The following TERB1 variants were observed in gnomAD, a reference collection of about 807,000 sequenced individuals.
TERB1 encodes the protein telomere repeats-binding bouquet formation protein 1.
TERB1 carries 63 observed loss-of-function variants against 92.3 expected under a neutral mutation model. The ratio of observed to expected loss-of-function variants is 0.68; its 90% CI spans 0.56 to 0.84. The LOEUF is 0.84. Ranked by LOEUF, TERB1 falls within the 40% of genes least tolerant of loss-of-function variation. The pLI, the probability that TERB1 is intolerant of heterozygous loss-of-function variation, is 0.00. For synonymous variants in TERB1, 252 were observed against 283.9 expected (o/e 0.89, Z 1.13); for missense variants, 709 against 843.7 (o/e 0.84, Z 1.98).
In TERB1 at chr16:66,774,955, C is replaced by T. The variant is rs1008801942; in HGVS notation, c.1111+163G>A. ...CAAGCGATCTGACTGCCTTGGCCTC[C>T]CAAAGTGCTGGGATTACAGGCATGA... On this transcript the variant is annotated intron_variant, in intron 12 of 18. Transcript: ENST00000433154. Among the ~76,000 whole-genome samples, 7 of 152,066 alleles carry T rather than the reference C, an allele frequency of 4.6e-5. 1 individual carries two copies. In the South Asian group the frequency reaches 1.4e-3, roughly 31 times the overall value.
intron 16 of TERB1, among the ~76,000 whole-genome samples, chr16:66,760,668 C>A (rs1334434343): frequency 2.3e-5 from 3 of 129,300 alleles, no homozygotes; most frequent in African/African-American, 9.0e-5. Context: ...TGCCTGTAGT[C>A]CCAGCTACTT....
At chr16:66,795,923 T>C (rs1326023268) in intron 3 of TERB1, among the ~76,000 whole-genome samples, 1 of 152,098 alleles carries the variant, frequency 6.6e-6, no homozygotes, top group Non-Finnish European at 1.5e-5. Context: ...TAATTTTTAA[T>C]TGTTTTTGTA....
chr16:66,766,583 T>G (rs2018350429), intron 16 of TERB1, among the ~76,000 whole-genome samples: 1 of 152,208 alleles, frequency 6.6e-6, no homozygotes. Context: ...AAAATAGGTA[T>G]TTTTAAAACT....
intron 2 of TERB1, among the ~76,000 whole-genome samples, chr16:66,800,392 G>GTTTTTTT (rs537071270): frequency 2.2e-5 from 2 of 92,862 alleles, no homozygotes; most frequent in Non-Finnish European, 1.9e-5. Flanking sequence ...AATAAAGAAA[G>GTTTTTTT]TTTTTTTTTT....
intron 8 of TERB1, 30 bp downstream of exon 8, chr16:66,785,984 T>G: frequency 9.2e-6 from 14 of 1,529,330 alleles, no homozygotes; most frequent in Non-Finnish European, 1.2e-5. Flanking sequence ...TTTATCTTTA[T>G]TTTTATATTT....
At chr16:66,793,422 T>G (rs1021061968) in intron 3 of TERB1, among the ~76,000 whole-genome samples, 2 of 151,922 alleles carry the variant, frequency 1.3e-5, no homozygotes, top group African/African-American at 2.4e-5. Context: ...TTCACCATGT[T>G]GGCCAGGCTG....
chr16:66,761,977 C>T (rs567123038), intron 16 of TERB1, among the ~76,000 whole-genome samples: 101 of 152,220 alleles, frequency 6.6e-4, no homozygotes, highest in African/African-American at 2.2e-3. Flanking sequence ...CGCTTGAACC[C>T]GGGAGGCAGA....
chr16:66,777,120 A>C, intron 11 of TERB1, 83 bp downstream of exon 11: 1 of 1,315,178 alleles, frequency 7.6e-7, no homozygotes, highest in East Asian at 2.6e-5. Flanking sequence ...TAAGACCTTC[A>C]CATAACTGGA....
rs1451959504 is a variant in TERB1, at chr16:66,755,172, A to G, written c.1997-9T>C. The G allele has an allele frequency of 7.0e-7, 1 of 1,436,600 alleles. No individual in the cohort carries two copies. Among genetic ancestry groups the G allele is most frequent in the Non-Finnish European group, 9.6e-7 (1 of 1,044,950 alleles). The allele number at this position is 1,436,600 out of a possible 1,614,324, so 89.0% of individuals were successfully genotyped here. A position where few individuals can be genotyped will look rare whatever the true frequency, so the allele number is the denominator to read the frequency against. ...GCGAATTCTTCTTTTTTCTATAATTAGAATTGTAGAATATATTAGTATTTG... is the reference window on the plus strand; with the variant it reads ...GCGAATTCTTCTTTTTTCTATAATTGGAATTGTAGAATATATTAGTATTTG... On this transcript the variant is annotated splice_polypyrimidine_tract_variant and intron_variant, in intron 18 of 18. Transcript: ENST00000433154.
intron 3 of TERB1, among the ~76,000 whole-genome samples, chr16:66,796,023 A>G (rs533885836): frequency 3.8e-4 from 58 of 152,320 alleles, no homozygotes; most frequent in African/African-American, 1.3e-3. Context: ...TGCTGGAATG[A>G]TAGGAGTGAG....
intron 5 of TERB1, 59 bp from the exon 6 acceptor site, chr16:66,788,356 T>A (rs1025705368): frequency 7.4e-7 from 1 of 1,358,312 alleles, no homozygotes; most frequent in Admixed American, 3.6e-5. Context: ...CTTTAAAATA[T>A]GCTGAACAAA....
At chr16:66,779,064 G>A in intron 9 of TERB1, 49 bp from the exon 10 acceptor site, 2 of 1,325,794 alleles carry the variant, frequency 1.5e-6, no homozygotes, top group Non-Finnish European at 2.0e-6. Flanking sequence ...CAAGACAGCT[G>A]AATGGTTTTA....
intron 16 of TERB1, among the ~76,000 whole-genome samples, chr16:66,761,683 G>C (rs1404295194): frequency 6.6e-6 from 1 of 152,062 alleles, no homozygotes; most frequent in Non-Finnish European, 1.5e-5. Context: ...AGTTACTTAA[G>C]AGGCTGAGGC....
chr16:66,774,683 C>CT lies in TERB1; in HGVS notation c.1111+434dup, dbSNP rs1555508412. Among the ~76,000 whole-genome samples the CT allele has an allele frequency of 5.4e-3, 219 of 40,204 alleles. 1 individual carries two copies. Among genetic ancestry groups the CT allele is most frequent in the South Asian group, 8.8e-3 (8 of 914 alleles). 26.4% of individuals were successfully genotyped at this position (40,204 alleles called of 152,430 possible). On this transcript the variant is annotated intron_variant, in intron 12 of 18. Coordinates refer to ENST00000433154, the MANE Select transcript of TERB1 (RefSeq NM_001136505.2). ...TGTCCAAATTTTATACTCTGATTTT[C>CT]TTTTTTTTTTTTTTTTTGAGACAGG...
At chr16:66,791,917 G>A (rs1423600923) in intron 3 of TERB1, among the ~76,000 whole-genome samples, 1 of 151,936 alleles carries the variant, frequency 6.6e-6, no homozygotes, top group Non-Finnish European at 1.5e-5. Flanking sequence ...TTTAAGAGAA[G>A]GAATACTTCC....
At chr16:66,792,294 A>G (rs2018848752) in intron 3 of TERB1, among the ~76,000 whole-genome samples, 1 of 152,222 alleles carries the variant, frequency 6.6e-6, no homozygotes. Context: ...GTGCATTTAC[A>G]GTTGAAAACC....
At chr16:66,787,802 T>TA (rs910064415) in intron 6 of TERB1, among the ~76,000 whole-genome samples, 2 of 152,262 alleles carry the variant, frequency 1.3e-5, no homozygotes, top group South Asian at 4.1e-4. Flanking sequence ...GAGGTGAGGT[T>TA]AAAAAAAGAC....
intron 5 of TERB1, among the ~76,000 whole-genome samples, chr16:66,790,354 A>G (rs954706690): frequency 2.7e-5 from 4 of 149,984 alleles, no homozygotes; most frequent in Non-Finnish European, 5.9e-5. Flanking sequence ...AGAAAGAGAG[A>G]GAGAGAGAAA....
At chr16:66,793,628 C>T (rs144780812) in intron 3 of TERB1, among the ~76,000 whole-genome samples, 1 of 152,198 alleles carries the variant, frequency 6.6e-6, no homozygotes, top group African/African-American at 2.4e-5. Context: ...TCTCCCACCT[C>T]AGCCTCCCAA....
Sources: gnomAD v4.1 joint callset for allele counts (sites outside exome capture counted in the v4.1 genomes callset) on GRCh38, gnomAD v4.1.1 for gene constraint, MANE v1.5 for transcripts, NCBI Gene and HGNC (gene_info 2026-07-23, HGNC 2026-07-21) for gene names.